Variants in LAMA3 observed in about 807,000 individuals in gnomAD.
LAMA3 encodes laminin subunit alpha-3.
LAMA3 carries 281 observed loss-of-function variants against 402.0 expected under a neutral mutation model. The ratio of observed to expected loss-of-function variants is 0.70; its 90% CI spans 0.63 to 0.77. The LOEUF is 0.77. Among genes scored for constraint, LAMA3 ranks in the 30% least tolerant of loss-of-function variants. The pLI is 0.00. For synonymous variants in LAMA3, 1,431 were observed against 1,558.4 expected (o/e 0.92, Z 1.93); for missense variants, 3,840 against 4,215.5 (o/e 0.91, Z 2.47).
intron 41 of LAMA3, 53 bp from the exon 42 acceptor site, chr18:23,889,958 A>G (rs2145009290): frequency 1.3e-5 from 18 of 1,356,884 alleles, no homozygotes; most frequent in Non-Finnish European, 1.9e-5. Context: ...AAATTGGTTG[A>G]GATAAACGAT....
Position 23,790,607 on chromosome 18 carries a change from C to T in LAMA3, c.1603+6450C>T, listed in dbSNP as rs370605960. Among the ~76,000 whole-genome samples, 131 of 152,286 alleles carry T rather than the reference C, an allele frequency of 8.6e-4. 3 individuals are homozygous for T. In the South Asian group the frequency reaches 0.026, roughly 30 times the overall value. On this transcript the variant is annotated intron_variant, in intron 12 of 74. Transcript: ENST00000313654. ...TCTTTTATTCTGCTCTTTGCTCTTG[C>T]GGCTTCGGACTTTCAAATAGTTATA...
chr18:23,749,957 C>T (rs1229664824), intron 4 of LAMA3, among the ~76,000 whole-genome samples: 2 of 152,178 alleles, frequency 1.3e-5, no homozygotes, highest in Non-Finnish European at 2.9e-5. Context: ...CTTCCCTCAT[C>T]TGATGACCAG....
chr18:23,916,633 A>G lies in LAMA3; in HGVS notation c.7861A>G (p.Thr2621Ala). The G allele has an allele frequency of 6.2e-7, 1 of 1,614,122 alleles. No homozygotes were observed. The highest frequency in any genetic ancestry group is 8.5e-7 in the Non-Finnish European group (1 of 1,179,992). Residue 2621 changes from threonine (T) to alanine (A), a missense_variant, in exon 60 of 75, where the codon ACC becomes GCC. Around this residue, in one of 3 missense-constraint regions of LAMA3, gnomAD observed 840 missense variants for 981.9 expected, o/e 0.86. Transcript: ENST00000313654. ...VPTQPHAPIP[T>A]FGQTIQTTVD... ...AACTCAACCACATGCTCCCATCCCA[A>G]CCTTTGGACAGACAATTCAGACCAC...
chr18:23,860,168 C>T (rs925688380), intron 34 of LAMA3, among the ~76,000 whole-genome samples: 3 of 152,028 alleles, frequency 2.0e-5, no homozygotes, highest in African/African-American at 7.2e-5. Flanking sequence ...CACAATATCA[C>T]ACCCCTCACT....
At chr18:23,755,105 T>C (rs1011914022) in intron 6 of LAMA3, among the ~76,000 whole-genome samples, 10 of 152,256 alleles carry the variant, frequency 6.6e-5, no homozygotes, top group African/African-American at 2.4e-4. Context: ...TTCCACCCTG[T>C]AATCTCCTAT....
chr18:23,924,864 A>G (rs775638774), intron 62 of LAMA3, among the ~76,000 whole-genome samples: 3 of 152,132 alleles, frequency 2.0e-5, no homozygotes, highest in African/African-American at 4.8e-5. Context: ...TTTTTATTAA[A>G]ATCACTGGAA....
In LAMA3 at chr18:23,851,989, C is replaced by A. The variant is rs184889548; in HGVS notation, c.4136+4321C>A. Among the ~76,000 whole-genome samples, 411 of 152,310 alleles carry A rather than the reference C, an allele frequency of 2.7e-3. 7 individuals are homozygous for A. The highest frequency in any genetic ancestry group is 0.02 in the South Asian group (97 of 4,822). ...AAAAAATTCTACTTAATGATAACAG[C>A]CTCTTTCCAGTCCTTTAAGCCTGAA... On this transcript the variant is annotated intron_variant, in intron 32 of 74. Transcript: ENST00000313654.
chr18:23,832,229 G>A (rs901987126), intron 23 of LAMA3, among the ~76,000 whole-genome samples: 3 of 152,142 alleles, frequency 2.0e-5, no homozygotes, highest in African/African-American at 7.2e-5. Context: ...TGACAGTCAG[G>A]CCCTTGTTTG....
At position 23,863,021 on chromosome 18, in the gene LAMA3, A is replaced by AAG. The variant is rs141141703; in HGVS notation, c.4584+1233_4584+1234dup. 8.1e-4 allele frequency among the ~76,000 whole-genome samples: 116 copies of AAG among 143,350 alleles called. 1 individual carries two copies. The highest frequency in any genetic ancestry group is 3.1e-3 in the South Asian group (14 of 4,452). 94.0% of individuals were successfully genotyped at this position (143,350 alleles called of 152,430 possible). A position where few individuals can be genotyped will look rare whatever the true frequency, so the allele number is the denominator to read the frequency against. On this transcript the variant is annotated intron_variant, in intron 35 of 74. Coordinates refer to ENST00000313654, the MANE Select transcript of LAMA3 (RefSeq NM_198129.4). ...GGTGGGGGAGAGAGAGAGAGAGAGAAAGAGAGAGAGAGAGAGAGAGCTAGC... is the reference window on the plus strand; with the variant it reads ...GGTGGGGGAGAGAGAGAGAGAGAGAAAGAGAGAGAGAGAGAGAGAGAGCTAGC...
At chr18:23,797,078 C>A (rs2062777736) in intron 12 of LAMA3, among the ~76,000 whole-genome samples, 1 of 152,116 alleles carries the variant, frequency 6.6e-6, no homozygotes, top group African/African-American at 2.4e-5. Flanking sequence ...CACATCCAGC[C>A]TTGGAGAAGC....
At chr18:23,753,361 T>A (rs1006221962) in intron 5 of LAMA3, among the ~76,000 whole-genome samples, 1 of 152,258 alleles carries the variant, frequency 6.6e-6, no homozygotes, top group South Asian at 2.1e-4. Flanking sequence ...ATATTTTCAA[T>A]GTATAAAATT....
At chr18:23,863,993 G>T (rs1337146278) in intron 35 of LAMA3, among the ~76,000 whole-genome samples, 1 of 152,092 alleles carries the variant, frequency 6.6e-6, no homozygotes, top group Admixed American at 6.5e-5. Flanking sequence ...ACAATAATTT[G>T]GGAAATGTTC....
At chr18:23,768,429 C>T (rs1351560905) in intron 8 of LAMA3, among the ~76,000 whole-genome samples, 1 of 152,128 alleles carries the variant, frequency 6.6e-6, no homozygotes, top group African/African-American at 2.4e-5. Flanking sequence ...CATGTCAAAA[C>T]CACAATGAGA....
intron 9 of LAMA3, among the ~76,000 whole-genome samples, chr18:23,774,925 T>C (rs1354289603): frequency 6.6e-6 from 1 of 152,252 alleles, no homozygotes; most frequent in Non-Finnish European, 1.5e-5. Flanking sequence ...AACAGGACAT[T>C]GCCAATGTAA....
At chr18:23,943,667 G>A (rs1403505749) in intron 68 of LAMA3, 121 bp from the exon 69 acceptor site, 9 of 856,284 alleles carry the variant, frequency 1.1e-5, no homozygotes, top group East Asian at 4.9e-5. Context: ...CAGTACCTAC[G>A]TTAGCTTATC....
chr18:23,777,678 C>T, intron 11 of LAMA3, 59 bp downstream of exon 11: 1 of 1,280,074 alleles, frequency 7.8e-7, no homozygotes, highest in Non-Finnish European at 1.1e-6. Flanking sequence ...TATTCTTTTC[C>T]TACTTCCTGT....
At chr18:23,877,435 A>G (rs1408566557) in intron 39 of LAMA3, among the ~76,000 whole-genome samples, 1 of 152,202 alleles carries the variant, frequency 6.6e-6, no homozygotes, top group African/African-American at 2.4e-5. Context: ...AGGAAAATGG[A>G]CAGTGAAAAA....
intron 11 of LAMA3, 137 bp from the exon 12 acceptor site, chr18:23,783,886 T>C (rs1344788864): frequency 1.7e-6 from 2 of 1,176,254 alleles, no homozygotes; most frequent in South Asian, 1.2e-5. Flanking sequence ...CGCAGTGTAG[T>C]CTTCTGCGTT....
At chr18:23,787,173 T>A (rs545233277) in intron 12 of LAMA3, among the ~76,000 whole-genome samples, 1 of 152,072 alleles carries the variant, frequency 6.6e-6, no homozygotes, top group African/African-American at 2.4e-5. Flanking sequence ...TCCCAGCTAC[T>A]TGGGAGGCTG....
Sources: gnomAD v4.1 joint callset for allele counts (sites outside exome capture counted in the v4.1 genomes callset) on GRCh38, gnomAD v4.1.1 for gene constraint, gnomAD v4.1.1 regional missense constraint, MANE v1.5 for transcripts, NCBI Gene and HGNC (gene_info 2026-07-23, HGNC 2026-07-21) for gene names.